The following GPHN variants were observed in gnomAD, a reference collection of about 807,000 sequenced individuals.
GPHN encodes gephyrin.
GPHN carries 17 observed loss-of-function variants against 95.5 expected under a neutral mutation model. The ratio of observed to expected loss-of-function variants is 0.18; its 90% CI spans 0.12 to 0.27. The LOEUF is 0.27. GPHN is among the 10% of genes least tolerant of loss of function. The pLI, the probability that GPHN is intolerant of heterozygous loss-of-function variation, is 1.00. For synonymous variants in GPHN, 320 were observed against 322.5 expected, an observed-to-expected ratio of 0.99 and a Z score of 0.08; for missense variants, 660 against 978.1, an observed-to-expected ratio of 0.67 and a Z score of 4.34.
At chr14:67,062,892 T>A (rs1259854592) in intron 11 of GPHN, among the ~76,000 whole-genome samples, 2 of 152,212 alleles carry the variant, frequency 1.3e-5, no homozygotes, top group African/African-American at 4.8e-5. Context: ...CTGATGGTAG[T>A]TTCTTTTACC....
the GPHN span, among the ~76,000 whole-genome samples, chr14:67,453,141 G>A: frequency 1.3e-5 from 2 of 152,240 alleles, no homozygotes; most frequent in East Asian, 1.9e-4. Context: ...TGTGCCAGAT[G>A]TCTTTTGGGT....
At chr14:67,583,612 ATT>A in the GPHN span, 1 of 620,230 alleles carries the variant, frequency 1.6e-6, no homozygotes, top group East Asian at 2.9e-5. Context: ...TTTCTAAAGT[ATT>A]TTTCACAACC....
At chr14:67,530,156 G>C in the GPHN span, among the ~76,000 whole-genome samples, 1 of 152,220 alleles carries the variant, frequency 6.6e-6, no homozygotes, top group East Asian at 1.9e-4. Context: ...AAGATCTCTC[G>C]TAAACTCCAG....
chr14:67,524,830 G>T, the GPHN span, among the ~76,000 whole-genome samples: 3 of 152,176 alleles, frequency 2.0e-5, no homozygotes, highest in Non-Finnish European at 4.4e-5. Flanking sequence ...AGGCCCCTCT[G>T]ATCTGAACAG....
At chr14:66,583,698 A>C (rs997148843) in intron 1 of GPHN, among the ~76,000 whole-genome samples, 2 of 151,946 alleles carry the variant, frequency 1.3e-5, no homozygotes, top group African/African-American at 4.8e-5. Flanking sequence ...ATAGTTGTAG[A>C]TATGCGGCAT....
the GPHN span, among the ~76,000 whole-genome samples, chr14:67,284,568 A>AC: frequency 7.1e-6 from 1 of 140,060 alleles, no homozygotes; most frequent in Non-Finnish European, 1.6e-5. Flanking sequence ...AAAAAAAAAA[A>AC]AAAAAAAAAA....
chr14:66,798,962 T>A (rs1031103590), intron 3 of GPHN, among the ~76,000 whole-genome samples: 3 of 151,944 alleles, frequency 2.0e-5, no homozygotes, highest in Non-Finnish European at 4.4e-5. Context: ...GCTATAAACT[T>A]CCCTCTTAGT....
chr14:67,438,087 A>AC, the GPHN span, among the ~76,000 whole-genome samples: 1 of 151,518 alleles, frequency 6.6e-6, no homozygotes, highest in African/African-American at 2.4e-5. Flanking sequence ...CCCAGCTGTC[A>AC]CCCCCCTCCC....
At chr14:67,656,921 G>A in the GPHN span, among the ~76,000 whole-genome samples, 3 of 152,202 alleles carry the variant, frequency 2.0e-5, no homozygotes, top group African/African-American at 4.8e-5. Context: ...ATCAACTTCT[G>A]AAAGGTGGCA....
At chr14:67,339,303 C>A in the GPHN span, among the ~76,000 whole-genome samples, 1 of 151,902 alleles carries the variant, frequency 6.6e-6, no homozygotes, top group African/African-American at 2.4e-5. Context: ...AGCCTAGAAG[C>A]CTTTATTAGG....
At chr14:67,082,072 G>C (rs917334813) in intron 11 of GPHN, among the ~76,000 whole-genome samples, 1 of 152,110 alleles carries the variant, frequency 6.6e-6, no homozygotes, top group East Asian at 1.9e-4. Context: ...TCTTGCTTTG[G>C]CTGTGTGGGC....
At chr14:67,411,548 G>A in the GPHN span, among the ~76,000 whole-genome samples, 1 of 152,130 alleles carries the variant, frequency 6.6e-6, no homozygotes, top group Non-Finnish European at 1.5e-5. Context: ...TCTGGGCTTC[G>A]TTTTCCCCCT....
intron 1 of GPHN, among the ~76,000 whole-genome samples, chr14:66,627,158 A>G (rs370027555): frequency 2.4e-4 from 36 of 152,176 alleles, no homozygotes; most frequent in African/African-American, 7.7e-4. Flanking sequence ...ATAAAACATT[A>G]CAGATAAAAT....
chr14:67,700,291 G>A, the GPHN span, among the ~76,000 whole-genome samples: 1 of 152,114 alleles, frequency 6.6e-6, no homozygotes, highest in Non-Finnish European at 1.5e-5. Context: ...CTGGTTATAG[G>A]AAATAATTTA....
At chr14:67,718,951 A>C in the GPHN span, among the ~76,000 whole-genome samples, 1 of 152,248 alleles carries the variant, frequency 6.6e-6, no homozygotes, top group Non-Finnish European at 1.5e-5. Context: ...AATTAAGGCC[A>C]TTGGGGCAGA....
At chr14:67,474,240 A>C in the GPHN span, among the ~76,000 whole-genome samples, 3 of 148,264 alleles carry the variant, frequency 2.0e-5, no homozygotes, top group Non-Finnish European at 3.0e-5. Context: ...AGACAGAGTG[A>C]GACTCTGTCT....
chr14:67,177,865 T>C (rs1006646551), intron 21 of GPHN, among the ~76,000 whole-genome samples: 2 of 152,182 alleles, frequency 1.3e-5, no homozygotes, highest in Admixed American at 1.3e-4. Flanking sequence ...TCCTTGTTGG[T>C]TATCAGAGAC....
the GPHN span, among the ~76,000 whole-genome samples, chr14:67,404,055 A>T: frequency 2.6e-5 from 4 of 152,284 alleles, no homozygotes; most frequent in African/African-American, 4.8e-5. Flanking sequence ...TGCCAAAAAA[A>T]TTTTTGAAAG....
chr14:67,349,943 A>T, the GPHN span, among the ~76,000 whole-genome samples: 6 of 152,242 alleles, frequency 3.9e-5, no homozygotes, highest in East Asian at 3.8e-4. Flanking sequence ...TAATAAAATC[A>T]GAAACCTTGA....
Sources: gnomAD v4.1 joint callset for allele counts (sites outside exome capture counted in the v4.1 genomes callset) on GRCh38, gnomAD v4.1.1 for gene constraint, MANE v1.5 for transcripts, NCBI Gene and HGNC (gene_info 2026-07-23, HGNC 2026-07-21) for gene names.